The following IFT57 variants were observed in gnomAD, a reference collection of about 807,000 sequenced individuals.
The protein encoded by IFT57 is intraflagellar transport protein 57 homolog.
IFT57 carries 59 observed loss-of-function variants against 56.8 expected under a neutral mutation model. The ratio of observed to expected loss-of-function variants is 1.04; its 90% CI spans 0.84 to 1.29. The LOEUF (loss-of-function observed/expected upper bound fraction) is 1.29. Ranked by LOEUF, IFT57 falls within the 50% of genes most tolerant of loss-of-function variation. The pLI, the probability that IFT57 is intolerant of heterozygous loss-of-function variation, is 0.00. For synonymous variants in IFT57, 209 were observed against 186.1 expected (o/e 1.12, Z -1.00); for missense variants, 470 against 522.1 (o/e 0.90, Z 0.97).
rs530096309 is a variant in IFT57, at chr3:108,201,868, CT to C, written c.654+4759del. On this transcript the variant is annotated intron_variant, in intron 5 of 10. Coordinates refer to ENST00000264538, the MANE Select transcript of IFT57 (RefSeq NM_018010.4). ...GCCTAGATGAAACTCTAAACTAAAT[CT>C]GAAATGACATTTTTACTCTAAGACC... 2.0e-5 allele frequency among the ~76,000 whole-genome samples: 3 copies of C among 152,308 alleles called. No homozygotes were observed. In the East Asian group the frequency reaches 5.8e-4, roughly 29 times the overall value.
intron 4 of IFT57, among the ~76,000 whole-genome samples, chr3:108,211,489 T>G (rs554907503): frequency 1.1e-3 from 174 of 152,328 alleles, no homozygotes; most frequent in African/African-American, 3.9e-3. Flanking sequence ...CTGGCCCCAG[T>G]AGTTTTCTCT....
intron 4 of IFT57, among the ~76,000 whole-genome samples, chr3:108,211,864 G>C (rs532747963): frequency 6.6e-6 from 1 of 151,910 alleles, no homozygotes; most frequent in East Asian, 1.9e-4. Flanking sequence ...TATTTTTAAC[G>C]TATTTTACAT....
intron 6 of IFT57, among the ~76,000 whole-genome samples, chr3:108,184,038 A>G (rs981522029): frequency 6.6e-6 from 1 of 152,156 alleles, no homozygotes; most frequent in Non-Finnish European, 1.5e-5. Flanking sequence ...TATGTAGGAA[A>G]GTATTATCCT....
chr3:108,199,836 C>T (rs1178717543), intron 5 of IFT57, among the ~76,000 whole-genome samples: 1 of 152,064 alleles, frequency 6.6e-6, no homozygotes, highest in Non-Finnish European at 1.5e-5. Context: ...GGAAGTGTCA[C>T]TTAGGAGATA....
chr3:108,174,004 G>A lies in IFT57; in HGVS notation c.778-6140C>T, dbSNP rs867556347. On this transcript the variant is annotated intron_variant, in intron 6 of 10. Transcript: ENST00000264538. ...AGTATTTGCATATATTTGAGTGTGTGTGTGTGTGTGTGTGTGTGTGTGTGT... is the reference window on the plus strand; with the variant it reads ...AGTATTTGCATATATTTGAGTGTGTATGTGTGTGTGTGTGTGTGTGTGTGT... Among the ~76,000 whole-genome samples, 866 of 142,356 alleles carry A rather than the reference G, an allele frequency of 6.1e-3. 15 individuals are homozygous for A. The highest frequency in any genetic ancestry group is 0.017 in the African/African-American group (638 of 36,708). 93.4% of individuals were successfully genotyped at this position (142,356 alleles called of 152,430 possible).
chr3:108,173,808 G>GTGTA lies in IFT57; in HGVS notation c.778-5945_778-5944insTACA, dbSNP rs771647277. Among the ~76,000 whole-genome samples the GTGTA allele has an allele frequency of 5.5e-3, 703 of 127,034 alleles. 11 individuals are homozygous for GTGTA. The highest frequency in any genetic ancestry group is 0.016 in the African/African-American group (525 of 32,384). 83.3% of individuals were successfully genotyped at this position (127,034 alleles called of 152,430 possible). ...TGTGTGTGTGTGTGTGTGTGTGTGT[G>GTGTA]TATATAATATAGTATATTATATACA... is the stretch of plus-strand genomic sequence containing the variant. On this transcript the variant is annotated intron_variant, in intron 6 of 10. Transcript: ENST00000264538.
At chr3:108,183,236 C>T (rs10511268) in intron 6 of IFT57, among the ~76,000 whole-genome samples, 14,643 of 151,986 alleles carry the variant, frequency 0.096, 761 homozygotes, top group Middle Eastern at 0.12. Context: ...GGATTGATGA[C>T]TTTAGAAGCC....
chr3:108,176,630 A>T (rs2108312114), intron 6 of IFT57, among the ~76,000 whole-genome samples: 1 of 151,976 alleles, frequency 6.6e-6, no homozygotes, highest in Admixed American at 6.6e-5. Flanking sequence ...TCCAGATAAA[A>T]TAACCTTACT....
At chr3:108,196,420 G>A (rs868549682) in intron 5 of IFT57, among the ~76,000 whole-genome samples, 17 of 152,272 alleles carry the variant, frequency 1.1e-4, no homozygotes, top group Middle Eastern at 3.4e-3. Flanking sequence ...TTTTACTGAA[G>A]GAAGGGCATT....
Position 108,161,171 on chromosome 3 carries a change from A to T in IFT57, c.*1306T>A, listed in dbSNP as rs2080029788. The T allele has an allele frequency of 6.6e-6, 1 of 152,038 alleles. No individual in the cohort carries two copies. 9.4% of individuals were successfully genotyped at this position (152,038 alleles called of 1,614,324 possible). A position where few individuals can be genotyped will look rare whatever the true frequency, so the allele number is the denominator to read the frequency against. ...CCTCCCAAAGACCACACAGGAAAAG[A>T]GCAACTTCAGATTTTAAAAAATGCT... is the stretch of plus-strand genomic sequence containing the variant. On this transcript the variant is annotated 3_prime_UTR_variant, in exon 11 of 11. Transcript: ENST00000264538.
chr3:108,205,679 G>T (rs928806856), intron 5 of IFT57, among the ~76,000 whole-genome samples: 11 of 148,316 alleles, frequency 7.4e-5, no homozygotes, highest in African/African-American at 2.7e-4. Context: ...ATTAAATAAA[G>T]GACTAATAGA....
At chr3:108,181,622 G>A (rs1374691122) in intron 6 of IFT57, among the ~76,000 whole-genome samples, 1 of 152,046 alleles carries the variant, frequency 6.6e-6, no homozygotes. Context: ...ACCTCTTTTT[G>A]ATTATAGCAG....
intron 4 of IFT57, among the ~76,000 whole-genome samples, chr3:108,208,047 GAA>G (rs869115655): frequency 1.2e-4 from 11 of 92,362 alleles, no homozygotes; most frequent in Non-Finnish European, 1.4e-4. Context: ...CGTCTCAAAA[GAA>G]AAAAAAAAAA....
At chr3:108,197,146 A>C (rs1345714253) in intron 5 of IFT57, among the ~76,000 whole-genome samples, 1 of 152,338 alleles carries the variant, frequency 6.6e-6, no homozygotes, top group African/African-American at 2.4e-5. Flanking sequence ...CTGCTGCAGA[A>C]GAAACAATTA....
intron 4 of IFT57, among the ~76,000 whole-genome samples, chr3:108,213,297 T>TTTTTTTAAAA (rs2080353124): frequency 6.6e-6 from 1 of 151,650 alleles, no homozygotes; most frequent in African/African-American, 2.4e-5. Context: ...CTATAAAGTT[T>TTTTTTTAAAA]GTTTTTTCCC....
At chr3:108,217,166 A>G (rs1251720961) in intron 3 of IFT57, among the ~76,000 whole-genome samples, 5 of 152,188 alleles carry the variant, frequency 3.3e-5, no homozygotes, top group African/African-American at 1.2e-4. Flanking sequence ...TAACTTGATC[A>G]TTGTATATTG....
At chr3:108,191,921 A>C (rs989085853) in intron 5 of IFT57, among the ~76,000 whole-genome samples, 1 of 152,318 alleles carries the variant, frequency 6.6e-6, no homozygotes, top group Non-Finnish European at 1.5e-5. Flanking sequence ...ACTCAATAGG[A>C]ATACCATCAA....
chr3:108,200,181 T>G (rs576971512), intron 5 of IFT57, among the ~76,000 whole-genome samples: 4 of 152,284 alleles, frequency 2.6e-5, no homozygotes, highest in African/African-American at 7.2e-5. Flanking sequence ...CATGTTTCAG[T>G]AAGTCAGACA....
intron 6 of IFT57, among the ~76,000 whole-genome samples, chr3:108,181,246 A>G (rs1193387724): frequency 6.7e-6 from 1 of 150,210 alleles, no homozygotes; most frequent in East Asian, 2.0e-4. Context: ...GCAACTAAAA[A>G]TCTTTTTTAG....
Sources: gnomAD v4.1 joint callset for allele counts (sites outside exome capture counted in the v4.1 genomes callset) on GRCh38, gnomAD v4.1.1 for gene constraint, MANE v1.5 for transcripts, NCBI Gene and HGNC (gene_info 2026-07-23, HGNC 2026-07-21) for gene names.